The following R3HDM2 variants were observed in gnomAD, a reference collection of about 807,000 sequenced individuals.
R3HDM2 encodes R3H domain-containing protein 2.
R3HDM2 carries 38 observed loss-of-function variants against 124.5 expected under a neutral mutation model. The observed-to-expected ratio is 0.31, with a 90% CI of 0.24 to 0.40. The LOEUF is 0.40. Among genes scored for constraint, R3HDM2 ranks in the 10% least tolerant of loss-of-function variants. The probability of loss-of-function intolerance (pLI) is 1.00; values close to 1 mark genes in which losing one functional copy is unlikely to be tolerated. For synonymous variants in R3HDM2, 391 were observed against 448.0 expected, an observed-to-expected ratio of 0.87 and a Z score of 1.61; for missense variants, 869 against 1,236.9, an observed-to-expected ratio of 0.70 and a Z score of 4.46.
At chr12:57,276,792 C>T (rs774944538) in intron 14 of R3HDM2, among the ~76,000 whole-genome samples, 5 of 151,880 alleles carry the variant, frequency 3.3e-5, no homozygotes, top group Non-Finnish European at 5.9e-5. Flanking sequence ...GAGGCTGAGG[C>T]AGGAGAACCG....
intron 2 of R3HDM2, among the ~76,000 whole-genome samples, chr12:57,385,482 T>C (rs2065596763): frequency 6.6e-6 from 1 of 151,910 alleles, no homozygotes; most frequent in African/African-American, 2.4e-5. Flanking sequence ...GACCTCGCGA[T>C]CCGCCCACCT....
intron 2 of R3HDM2, among the ~76,000 whole-genome samples, chr12:57,326,455 G>A (rs1464180950): frequency 6.6e-6 from 1 of 152,224 alleles, no homozygotes; most frequent in African/African-American, 2.4e-5. Context: ...AAACAGCCAA[G>A]TCCCTAATTC....
At position 57,275,501 on chromosome 12, in the gene R3HDM2, GAAA is replaced by G. The variant is rs56371479; in HGVS notation, c.1344+4854_1344+4856del. On this transcript the variant is annotated intron_variant, in intron 14 of 23. Coordinates refer to ENST00000402412, the MANE Select transcript of R3HDM2 (RefSeq NM_001394031.1). Reference sequence around the variant, plus strand: ...AATTAAACTAAAAAACGTTTGCATGGAAAAAAAAAAAAAAAAACAGCAGAGGAA... The same window carrying G: ...AATTAAACTAAAAAACGTTTGCATGGAAAAAAAAAAAAAACAGCAGAGGAA... Among the ~76,000 whole-genome samples, 313 of 127,528 alleles carry G rather than the reference GAAA, an allele frequency of 2.5e-3. 9 individuals are homozygous for G. In the East Asian group the frequency reaches 0.055, roughly 22 times the overall value. 83.7% of individuals were successfully genotyped at this position (127,528 alleles called of 152,430 possible). A position where few individuals can be genotyped will look rare whatever the true frequency, so the allele number is the denominator to read the frequency against.
chr12:57,347,900 T>A (rs563757560), intron 2 of R3HDM2, among the ~76,000 whole-genome samples: 1 of 152,110 alleles, frequency 6.6e-6, no homozygotes, highest in South Asian at 2.1e-4. Flanking sequence ...ACTAGTTCCT[T>A]CAAAGGATAA....
chr12:57,260,846 G>C (rs1400280438), intron 19 of R3HDM2, among the ~76,000 whole-genome samples: 1 of 152,142 alleles, frequency 6.6e-6, no homozygotes, highest in African/African-American at 2.4e-5. Flanking sequence ...GAGCGTGATT[G>C]TTTTTCTCAG....
intron 2 of R3HDM2, among the ~76,000 whole-genome samples, chr12:57,323,285 G>C (rs1467610117): frequency 6.6e-6 from 1 of 152,184 alleles, no homozygotes; most frequent in African/African-American, 2.4e-5. Context: ...GGACAGGAAG[G>C]AAGGTCCTAC....
rs540626116 is a variant in R3HDM2, at chr12:57,329,443, G to A, written c.-35-18980C>T. On this transcript the variant is annotated intron_variant, in intron 2 of 23. Coordinates refer to ENST00000402412, the MANE Select transcript of R3HDM2 (RefSeq NM_001394031.1). ...CTCAGCCTCCTTATCTGTAGGATAGGCATGATACATATCTCACAGAGCCAC... is the reference window on the plus strand; with the variant it reads ...CTCAGCCTCCTTATCTGTAGGATAGACATGATACATATCTCACAGAGCCAC... Among the ~76,000 whole-genome samples, 81 of 152,246 alleles carry A rather than the reference G, an allele frequency of 5.3e-4. 1 individual carries two copies. The highest frequency in any genetic ancestry group is 1.9e-3 in the Admixed American group (29 of 15,296).
chr12:57,266,582 C>A, intron 19 of R3HDM2, 149 bp downstream of exon 19: 2 of 637,206 alleles, frequency 3.1e-6, no homozygotes, highest in South Asian at 1.7e-5. Context: ...AAAACACCAG[C>A]TAAGACTGTT....
intron 14 of R3HDM2, among the ~76,000 whole-genome samples, chr12:57,277,361 A>C (rs962348796): frequency 3.3e-5 from 5 of 152,152 alleles, no homozygotes; most frequent in Non-Finnish European, 5.9e-5. Context: ...GGGAAAGATC[A>C]TAGTTTAGTC....
At chr12:57,368,276 A>G (rs1156976183) in intron 2 of R3HDM2, among the ~76,000 whole-genome samples, 1 of 152,174 alleles carries the variant, frequency 6.6e-6, no homozygotes, top group Non-Finnish European at 1.5e-5. Context: ...TAGTTCAAAA[A>G]ACTCCAAACT....
chr12:57,373,637 C>T (rs765368154), intron 2 of R3HDM2, among the ~76,000 whole-genome samples: 1 of 151,294 alleles, frequency 6.6e-6, no homozygotes. Context: ...TGGAGACATC[C>T]TGTCTCTACT....
chr12:57,358,062 CCT>C (rs757782061), intron 2 of R3HDM2, among the ~76,000 whole-genome samples: 5 of 151,596 alleles, frequency 3.3e-5, no homozygotes, highest in Non-Finnish European at 5.9e-5. Flanking sequence ...CATTTCAACC[CCT>C]GCCTCCCAGA....
At chr12:57,388,784 AG>A (rs1303474165) in intron 2 of R3HDM2, among the ~76,000 whole-genome samples, 1 of 152,020 alleles carries the variant, frequency 6.6e-6, no homozygotes, top group Non-Finnish European at 1.5e-5. Context: ...TTCCATATGG[AG>A]GGGGAAAAAG....
At chr12:57,255,137 T>C in intron 23 of R3HDM2, 24 bp from the exon 24 acceptor site, 3 of 1,549,100 alleles carry the variant, frequency 1.9e-6, no homozygotes, top group Non-Finnish European at 2.6e-6. Flanking sequence ...AGAGAGGACA[T>C]GGTTGTGAGA....
In R3HDM2 at chr12:57,255,001, C is replaced by T. The variant is rs2038483781; in HGVS notation, c.2745G>A (p.Lys915=). 1 of 1,613,980 alleles carries T rather than the reference C, an allele frequency of 6.2e-7. No individual in the cohort carries two copies. Among genetic ancestry groups the T allele is most frequent in the African/African-American group, 1.3e-5 (1 of 74,896 alleles). Reference sequence around the variant, plus strand: ...CCCCTCCAGGCAGCCCCTGAGCATCCTTGAGCCACTGGATCTTGGCGCCAG... The same window carrying T: ...CCCCTCCAGGCAGCCCCTGAGCATCTTTGAGCCACTGGATCTTGGCGCCAG... ...AMSGAKIQWL[K]DAQGLPGGGG... The change falls in exon 24 of 24, where the codon AAG becomes AAA. Residue 915 remains lysine, a synonymous_variant. Coordinates refer to ENST00000402412, the MANE Select transcript of R3HDM2 (RefSeq NM_001394031.1).
intron 19 of R3HDM2, among the ~76,000 whole-genome samples, chr12:57,262,918 G>T (rs768389132): frequency 2.6e-5 from 4 of 152,152 alleles, no homozygotes; most frequent in Non-Finnish European, 5.9e-5. Flanking sequence ...GAACAAAGGA[G>T]ATAAAACTGA....
At chr12:57,319,172 C>T (rs564516728) in intron 2 of R3HDM2, among the ~76,000 whole-genome samples, 2 of 152,114 alleles carry the variant, frequency 1.3e-5, no homozygotes, top group South Asian at 4.2e-4. Flanking sequence ...CGGCAACCTC[C>T]GCCTCTCGGG....
intron 1 of R3HDM2, among the ~76,000 whole-genome samples, chr12:57,419,673 A>G (rs1276099507): frequency 2.0e-5 from 3 of 151,964 alleles, no homozygotes; most frequent in Admixed American, 2.0e-4. Flanking sequence ...AACTCCTGAC[A>G]TGATGTAATT....
chr12:57,269,540 A>C, intron 15 of R3HDM2, 91 bp from the exon 16 acceptor site: 1 of 1,527,092 alleles, frequency 6.5e-7, no homozygotes, highest in South Asian at 1.3e-5. Context: ...ATTGATGGCC[A>C]GAAATATGTA....
Sources: allele counts gnomAD v4.1 joint callset (sites outside exome capture counted in the v4.1 genomes callset), GRCh38; gene constraint gnomAD v4.1.1; transcripts MANE v1.5; gene names NCBI Gene and HGNC (gene_info 2026-07-23, HGNC 2026-07-21).